Variants in IL1RL2 observed in about 807,000 individuals in gnomAD.
The protein encoded by IL1RL2 is interleukin 1 receptor like 2.
Under a neutral mutation model 66.8 loss-of-function variants are expected in IL1RL2, and 68 were observed. The ratio of observed to expected loss-of-function variants is 1.02; its 90% CI spans 0.84 to 1.25. IL1RL2 has a LOEUF of 1.25. Ranked by LOEUF, IL1RL2 falls within the 50% of genes most tolerant of loss-of-function variation. IL1RL2 has a pLI of 0.00. For missense variants in IL1RL2, 729 were observed against 709.3 expected (o/e 1.03, Z -0.32); for synonymous variants, 305 against 264.6 (o/e 1.15, Z -1.48).
At position 102,201,656 on chromosome 2, in the gene IL1RL2, C is replaced by T. The variant is rs772278646; in HGVS notation, c.590C>T (p.Ala197Val). The T allele has an allele frequency of 1.2e-6, 2 of 1,613,836 alleles. No homozygotes were observed. Among genetic ancestry groups the T allele is most frequent in the East Asian group, 2.2e-5 (1 of 44,876 alleles). Reference sequence around the variant, plus strand: ...GACAGAGGGAACTACGCGTGTCAAGCCATACTGACACACTCAGGGAAGCAG... The same window carrying T: ...GACAGAGGGAACTACGCGTGTCAAGTCATACTGACACACTCAGGGAAGCAG... ...AEDRGNYACQ[A>V]ILTHSGKQYE... The change falls in exon 5 of 12, where the codon GCC becomes GTC. Residue 197 changes from alanine to valine, a missense_variant. Ala to Val is a moderately conservative substitution (Grantham distance 64). Transcript: ENST00000264257.
chr2:102,217,097 C>A (rs1689677639), intron 6 of IL1RL2, among the ~76,000 whole-genome samples: 1 of 152,140 alleles, frequency 6.6e-6, no homozygotes, highest in African/African-American at 2.4e-5. Context: ...AATTATCACC[C>A]TTTCACTTTC....
At chr2:102,219,231 T>C (rs1354004256) in intron 7 of IL1RL2, 149 bp downstream of exon 7, 10 of 893,440 alleles carry the variant, frequency 1.1e-5, no homozygotes, top group East Asian at 4.9e-5. Context: ...TAGGGAGATA[T>C]GGTAAAAGAC....
At chr2:102,206,249 C>G (rs1472473246) in intron 5 of IL1RL2, among the ~76,000 whole-genome samples, 1 of 152,062 alleles carries the variant, frequency 6.6e-6, no homozygotes. Context: ...GCCCCTGGTG[C>G]CTTATTTAAT....
chr2:102,208,635 T>C (rs1306436622), intron 5 of IL1RL2, among the ~76,000 whole-genome samples: 1 of 152,240 alleles, frequency 6.6e-6, no homozygotes, highest in Non-Finnish European at 1.5e-5. Flanking sequence ...TTCTGGGTGG[T>C]GTGGATCCCT....
rs768508832 is a variant in IL1RL2 at position 102,225,909 on chromosome 2, C to T, written c.1003C>T (p.Arg335Ter). The change falls in exon 9 of 12, where the codon CGA becomes TGA. Residue 335 changes from arginine (R) to a stop codon, truncating the protein, a stop_gained. Transcript: ENST00000264257. LOFTEE classifies it high-confidence loss of function. Reference sequence around the variant, plus strand: ...GCTGTCATTTGTAGCTCCGGATTTTCGAGCTTACTTGATAGGAGGGCTTAT... The same window carrying T: ...GCTGTCATTTGTAGCTCCGGATTTTTGAGCTTACTTGATAGGAGGGCTTAT... ...IILQLPAPDF[R>*]AYLIGGLIAL... The T allele has an allele frequency of 5.7e-6, 9 of 1,577,752 alleles. No individual in the cohort carries two copies. Among genetic ancestry groups the T allele is most frequent in the South Asian group, 2.4e-5 (2 of 82,776 alleles).
intron 5 of IL1RL2, 58 bp downstream of exon 5, chr2:102,201,773 C>A: frequency 6.5e-7 from 1 of 1,544,584 alleles, no homozygotes; most frequent in East Asian, 2.3e-5. Context: ...TGTGAACTGG[C>A]TTCTGGCTTT....
At chr2:102,198,487 CTG>C (rs1687970569) in intron 4 of IL1RL2, among the ~76,000 whole-genome samples, 2 of 152,166 alleles carry the variant, frequency 1.3e-5, no homozygotes, top group African/African-American at 4.8e-5. Context: ...GTCCCTATCA[CTG>C]TGCTCAATCT....
chr2:102,242,712 C>G (rs184293871), downstream of IL1RL2, among the ~76,000 whole-genome samples: 7 of 152,264 alleles, frequency 4.6e-5, no homozygotes, highest in African/African-American at 1.4e-4. Context: ...TTGATTCCTG[C>G]GCTAATCTCC....
chr2:102,195,101 G>A (rs1559529165), intron 4 of IL1RL2, among the ~76,000 whole-genome samples: 2 of 152,176 alleles, frequency 1.3e-5, no homozygotes, highest in Admixed American at 1.3e-4. Flanking sequence ...TTGGCCCGTT[G>A]TGTGGTTTGC....
intron 7 of IL1RL2, among the ~76,000 whole-genome samples, chr2:102,219,508 A>G (rs902147607): frequency 2.0e-5 from 3 of 152,190 alleles, no homozygotes; most frequent in Non-Finnish European, 4.4e-5. Flanking sequence ...ATGGGTATAA[A>G]CTCAAGTTAT....
At position 102,189,183 on chromosome 2, in the gene IL1RL2, T is replaced by A; in HGVS notation, c.166T>A (p.Trp56Arg). The change falls in exon 3 of 12, where the codon TGG becomes AGG. Residue 56 changes from tryptophan (W) to arginine (R), a missense_variant. Physicochemically the swap from Trp to Arg is moderately radical, Grantham distance 101 (BLOSUM62 -3). Coordinates refer to ENST00000264257, the MANE Select transcript of IL1RL2 (RefSeq NM_003854.4). Reference protein sequence around the residue: ...PITSGEVSVTWYKNSSKIPVS... With the variant: ...PITSGEVSVTRYKNSSKIPVS... ...AACATCTGGGGAAGTCAGTGTAACA[T>A]GGTATAAAAATTCTAGCAAAATCCC... 6.2e-7 allele frequency: 1 copy of A among 1,614,046 alleles called. No individual in the cohort carries two copies. Among genetic ancestry groups the A allele is most frequent in the Non-Finnish European group, 8.5e-7 (1 of 1,179,912 alleles).
chr2:102,222,367 T>C (rs1186625322), intron 8 of IL1RL2, among the ~76,000 whole-genome samples: 1 of 152,228 alleles, frequency 6.6e-6, no homozygotes, highest in Admixed American at 6.5e-5. Flanking sequence ...TGTGTACCCA[T>C]GTAGAGGCAT....
intron 5 of IL1RL2, among the ~76,000 whole-genome samples, chr2:102,210,566 T>C (rs1041513464): frequency 6.6e-6 from 1 of 152,128 alleles, no homozygotes; most frequent in African/African-American, 2.4e-5. Flanking sequence ...TGGAGAGATA[T>C]GGATGGGTTC....
intron 5 of IL1RL2, among the ~76,000 whole-genome samples, chr2:102,204,080 T>G (rs927161358): frequency 1.3e-5 from 2 of 152,284 alleles, no homozygotes; most frequent in Non-Finnish European, 2.9e-5. Flanking sequence ...TAGTATGTTG[T>G]GTTTCCATTA....
chr2:102,207,386 G>A (rs1435980954), intron 5 of IL1RL2, among the ~76,000 whole-genome samples: 2 of 152,114 alleles, frequency 1.3e-5, no homozygotes, highest in African/African-American at 2.4e-5. Context: ...CTCACCCAAG[G>A]CATTCAATGT....
chr2:102,220,073 A>G lies in IL1RL2; in HGVS notation c.991+56A>G, dbSNP rs1237456618. 4.0e-6 allele frequency: 6 copies of G among 1,483,680 alleles called. No individual in the cohort carries two copies. The South Asian group carries it at 6.7e-5, about 17-fold the overall frequency. 91.9% of individuals were successfully genotyped at this position (1,483,680 alleles called of 1,614,324 possible). A position where few individuals can be genotyped will look rare whatever the true frequency, so the allele number is the denominator to read the frequency against. ...GAGTGTTCAAAACGATGGCCAGGAA[A>G]CACATCTGAAGGAGCAGTGACTCTA... On this transcript the variant is annotated intron_variant, in intron 8 of 11. Transcript: ENST00000264257.
intron 4 of IL1RL2, 65 bp downstream of exon 4, chr2:102,192,185 G>T (rs1476118421): frequency 1.8e-6 from 2 of 1,130,412 alleles, no homozygotes; most frequent in Non-Finnish European, 2.5e-6. Flanking sequence ...TTTTTTATAG[G>T]TTAAGTTGTA....
intron 8 of IL1RL2, among the ~76,000 whole-genome samples, chr2:102,225,541 C>T (rs907464226): frequency 1.3e-5 from 2 of 152,178 alleles, no homozygotes; most frequent in African/African-American, 4.8e-5. Context: ...TCAGGCGCCA[C>T]CTCTGGACAG....
chr2:102,191,928 T>C lies in IL1RL2; in HGVS notation c.297T>C (p.Gly99=). 6.3e-7 allele frequency: 1 copy of C among 1,599,476 alleles called. No homozygotes were observed. The highest frequency in any genetic ancestry group is 8.5e-7 in the Non-Finnish European group (1 of 1,170,022). Residue 99 remains glycine, a synonymous_variant, in exon 4 of 12, where the codon GGT becomes GGC. Transcript: ENST00000264257. ...DSGVYQCVIK[G]RDSCHRIHVN... is the part of the protein sequence containing the mutation. ...GAGGTCTCAATCTGTCTTACAGGGG[T>C]AGAGACAGCTGTCATAGAATACATG...
Sources: gnomAD v4.1 joint callset for allele counts (sites outside exome capture counted in the v4.1 genomes callset) on GRCh38, gnomAD v4.1.1 for gene constraint, MANE v1.5 for transcripts, NCBI Gene and HGNC (gene_info 2026-07-23, HGNC 2026-07-21) for gene names.